Variants in NDST3 observed in about 807,000 individuals in gnomAD.
NDST3 encodes the protein bifunctional heparan sulfate N-deacetylase/N-sulfotransferase 3.
NDST3 carries 58 observed loss-of-function variants against 96.1 expected under a neutral mutation model. The observed-to-expected ratio is 0.60, with a 90% confidence interval of 0.49 to 0.75. The LOEUF (loss-of-function observed/expected upper bound fraction) is 0.75. Ranked by LOEUF, NDST3 falls within the 30% of genes least tolerant of loss-of-function variation. The probability of loss-of-function intolerance (pLI) is 0.00; values close to 1 mark genes in which losing one functional copy is unlikely to be tolerated. For missense variants in NDST3, 788 were observed against 1,034.2 expected (o/e 0.76, Z 3.27); for synonymous variants, 333 against 359.7 (o/e 0.93, Z 0.84).
Position 118,197,803 on chromosome 4 carries a change from CTTT to C in NDST3, c.1540-26675_1540-26673del, listed in dbSNP as rs749135213. ...TTTTTGTTTATTTTTTGGCTTTTGGCTTTTTTTTTTTTTTTGAGATGGAGTCTC... is the reference window on the plus strand; with the variant it reads ...TTTTTGTTTATTTTTTGGCTTTTGGCTTTTTTTTTTTTGAGATGGAGTCTC... On this transcript the variant is annotated intron_variant, in intron 6 of 13. Coordinates refer to ENST00000296499, the MANE Select transcript of NDST3 (RefSeq NM_004784.3). 4.4e-3 allele frequency among the ~76,000 whole-genome samples: 561 copies of C among 127,360 alleles called. 6 individuals are homozygous for C. The highest frequency in any genetic ancestry group is 0.016 in the African/African-American group (543 of 34,444). The allele number at this position is 127,360 out of a possible 152,430, so 83.6% of individuals were successfully genotyped here.
At chr4:118,066,073 A>T (rs1726294979) in intron 2 of NDST3, among the ~76,000 whole-genome samples, 1 of 115,612 alleles carries the variant, frequency 8.6e-6, no homozygotes, top group Admixed American at 1.3e-4. Context: ...TATATTTTAT[A>T]TATAACATAT....
chr4:118,117,051 T>C (rs1478479758), intron 4 of NDST3, among the ~76,000 whole-genome samples: 2 of 152,194 alleles, frequency 1.3e-5, no homozygotes, highest in Non-Finnish European at 2.9e-5. Context: ...CATTCCTAAC[T>C]ACATGTTGGC....
chr4:118,157,970 T>C (rs556097019), intron 6 of NDST3, among the ~76,000 whole-genome samples: 2 of 152,262 alleles, frequency 1.3e-5, no homozygotes, highest in South Asian at 4.1e-4. Flanking sequence ...TATTAATAAA[T>C]TTTTGTTGAA....
intron 6 of NDST3, among the ~76,000 whole-genome samples, chr4:118,178,646 G>T (rs1424195416): frequency 6.6e-6 from 1 of 152,030 alleles, no homozygotes; most frequent in Non-Finnish European, 1.5e-5. Flanking sequence ...GTGAACATGG[G>T]TGTACAAACA....
chr4:118,238,173 AAGAAAG>A (rs1740785855), intron 10 of NDST3, among the ~76,000 whole-genome samples: 2 of 119,902 alleles, frequency 1.7e-5, no homozygotes, highest in Admixed American at 8.2e-5. Flanking sequence ...GAAAGAAAGA[AAGAAAG>A]AAAGAAAGAA....
At chr4:118,130,752 G>A (rs181384090) in intron 4 of NDST3, among the ~76,000 whole-genome samples, 36 of 152,172 alleles carry the variant, frequency 2.4e-4, no homozygotes, top group Middle Eastern at 3.4e-3. Flanking sequence ...TATAAGACAG[G>A]TCTGGTGTTG....
Position 118,147,589 on chromosome 4 carries a change from C to T in NDST3, c.1539+3905C>T, listed in dbSNP as rs545659852. On this transcript the variant is annotated intron_variant, in intron 6 of 13. Transcript: ENST00000296499. ...ATTAATTGGCAATGACTGCATCTGC[C>T]CTCAATAAATAAAACTCTATATATG... Among the ~76,000 whole-genome samples, 4 of 152,134 alleles carry T rather than the reference C, an allele frequency of 2.6e-5. No individual in the cohort carries two copies. The East Asian group carries it at 7.7e-4, about 29-fold the overall frequency.
chr4:118,098,048 G>GTT (rs36035970), intron 2 of NDST3, among the ~76,000 whole-genome samples: 10 of 151,356 alleles, frequency 6.6e-5, no homozygotes, highest in East Asian at 2.0e-4. Context: ...AATTACTGTG[G>GTT]TTTTTTTTAA....
Position 118,043,197 on chromosome 4 carries a change from A to G in NDST3, c.-156+8605A>G, listed in dbSNP as rs577607464. 6.6e-5 allele frequency among the ~76,000 whole-genome samples: 10 copies of G among 152,336 alleles called. No individual in the cohort carries two copies. The South Asian group carries it at 2.1e-3, about 32-fold the overall frequency. The stretch of plus-strand genomic sequence containing the variant: ...GATATTAAATTTATCCCATGTTGGG[A>G]TGCTATGATTACATTAACTTAACAT... On this transcript the variant is annotated intron_variant, in intron 1 of 13. Transcript: ENST00000296499.
At chr4:118,099,850 G>A (rs895942650) in intron 2 of NDST3, among the ~76,000 whole-genome samples, 9 of 152,004 alleles carry the variant, frequency 5.9e-5, no homozygotes, top group African/African-American at 2.2e-4. Context: ...CACAAGTCTT[G>A]TATAGTCTTT....
chr4:118,205,824 C>T lies in NDST3; in HGVS notation c.1540-18667C>T, dbSNP rs148210537. Among the ~76,000 whole-genome samples the T allele has an allele frequency of 8.4e-5, 10 of 118,890 alleles. 2 individuals are homozygous for T. Among genetic ancestry groups the T allele is most frequent in the African/African-American group, 1.1e-4 (4 of 36,192 alleles). The allele number at this position is 118,890 out of a possible 152,430, so 78.0% of individuals were successfully genotyped here. The stretch of plus-strand genomic sequence containing the variant: ...CAAATATACAGTACTGGCCACCTAT[C>T]GGGCTTTCTTTTTTTTTTTTTTTTT... On this transcript the variant is annotated intron_variant, in intron 6 of 13. Coordinates refer to ENST00000296499, the MANE Select transcript of NDST3 (RefSeq NM_004784.3).
intron 12 of NDST3, among the ~76,000 whole-genome samples, chr4:118,248,130 C>T (rs1386651560): frequency 6.6e-6 from 1 of 152,142 alleles, no homozygotes; most frequent in Non-Finnish European, 1.5e-5. Flanking sequence ...GCGGGTGGAT[C>T]ACCTGAGGTC....
intron 6 of NDST3, among the ~76,000 whole-genome samples, chr4:118,180,052 G>T (rs1736510591): frequency 6.6e-6 from 1 of 152,032 alleles, no homozygotes; most frequent in African/African-American, 2.4e-5. Flanking sequence ...AGGGGGAGTG[G>T]AGGAAGAGGA....
In NDST3 at chr4:118,255,821, AAAG is replaced by A. The variant is rs1224792010; in HGVS notation, c.*112_*114del. 4 of 1,271,948 alleles carry A rather than the reference AAAG, an allele frequency of 3.1e-6. No homozygotes were observed. In the African/African-American group the frequency reaches 6.0e-5, roughly 19 times the overall value. 78.8% of individuals were successfully genotyped at this position (1,271,948 alleles called of 1,614,324 possible). On this transcript the variant is annotated 3_prime_UTR_variant, in exon 14 of 14. Transcript: ENST00000296499. ...AAAATATACCTCTTCAAATGAGAAAAAAGAACAGTTTCTTCCATGTGCTGGCAC... is the reference window on the plus strand; with the variant it reads ...AAAATATACCTCTTCAAATGAGAAAAAACAGTTTCTTCCATGTGCTGGCAC...
intron 2 of NDST3, among the ~76,000 whole-genome samples, chr4:118,103,987 CA>C (rs777861399): frequency 6.6e-6 from 1 of 152,038 alleles, no homozygotes; most frequent in Non-Finnish European, 1.5e-5. Context: ...ATGGGGTAGT[CA>C]ATGAATAAAA....
rs147305019 is a variant in NDST3, at chr4:118,061,333, G to A, written c.981+6442G>A. ...GTCTTCTCTGACCATTCTCTTTAAA[G>A]TTGCAACCTCTAAATCTCCCATCTT... is the stretch of plus-strand genomic sequence containing the variant. On this transcript the variant is annotated intron_variant, in intron 2 of 13. Transcript: ENST00000296499. 3.6e-4 allele frequency among the ~76,000 whole-genome samples: 54 copies of A among 152,094 alleles called. 1 individual carries two copies. The East Asian group carries it at 9.9e-3, about 28-fold the overall frequency.
chr4:118,094,669 TATTCTTTC>T (rs1334573027), intron 2 of NDST3, among the ~76,000 whole-genome samples: 1 of 151,888 alleles, frequency 6.6e-6, no homozygotes, highest in Non-Finnish European at 1.5e-5. Context: ...GTAATTAATT[TATTCTTTC>T]ATTCTTTCAG....
At chr4:118,104,631 G>T (rs550710612) in intron 2 of NDST3, among the ~76,000 whole-genome samples, 1 of 152,124 alleles carries the variant, frequency 6.6e-6, no homozygotes, top group African/African-American at 2.4e-5. Context: ...TTCAACATAC[G>T]TTCTTGCATA....
intron 1 of NDST3, among the ~76,000 whole-genome samples, chr4:118,053,140 T>A (rs1479123562): frequency 1.3e-5 from 2 of 151,974 alleles, no homozygotes; most frequent in African/African-American, 4.8e-5. Flanking sequence ...CATGACTGTT[T>A]TGATTTTTGG....
Sources: allele counts gnomAD v4.1 joint callset (sites outside exome capture counted in the v4.1 genomes callset), GRCh38; gene constraint gnomAD v4.1.1; transcripts MANE v1.5; gene names NCBI Gene and HGNC (gene_info 2026-07-23, HGNC 2026-07-21).